Variants in ATP13A2 observed in about 807,000 individuals in gnomAD.
The protein encoded by ATP13A2 is ATPase cation transporting 13A2.
In ATP13A2, 83 loss-of-function variants were observed where a neutral mutation model predicts 138.3. The observed-to-expected ratio is 0.60, with a 90% CI of 0.50 to 0.72. ATP13A2 has a LOEUF of 0.72. Ranked by LOEUF, ATP13A2 falls within the 30% of genes least tolerant of loss-of-function variation. ATP13A2 has a pLI of 0.00. For missense variants in ATP13A2, 1,402 were observed against 1,606.4 expected (o/e 0.87, Z 2.17); for synonymous variants, 663 against 699.0 (o/e 0.95, Z 0.81).
At chr1:16,997,350 C>T (rs1008784954) in intron 11 of ATP13A2, among the ~76,000 whole-genome samples, 175 bp from the exon 12 acceptor site, 2 of 141,408 alleles carry the variant, frequency 1.4e-5, no homozygotes, top group Non-Finnish European at 3.0e-5. Flanking sequence ...TCAGAGAGGA[C>T]GGAGATATAA....
At chr1:17,008,627 C>A (rs754640673) in intron 1 of ATP13A2, among the ~76,000 whole-genome samples, 1 of 152,110 alleles carries the variant, frequency 6.6e-6, no homozygotes, top group Admixed American at 6.6e-5. Flanking sequence ...GCTCCCTAGG[C>A]CCATTCAACA....
intron 19 of ATP13A2, 51 bp downstream of exon 19, chr1:16,991,958 A>C (rs1474639397): frequency 8.1e-6 from 13 of 1,608,708 alleles, no homozygotes; most frequent in Non-Finnish European, 8.5e-6. Context: ...CCTGCGTGAG[A>C]GCCTCCCTCT....
chr1:16,997,846 A>T (rs537096468), intron 11 of ATP13A2, among the ~76,000 whole-genome samples: 1 of 64,250 alleles, frequency 1.6e-5, no homozygotes, highest in Non-Finnish European at 2.8e-5. Context: ...GTCTCAAAAG[A>T]GGAGGGGAGG....
At chr1:17,005,893 G>C (rs1309739461) in intron 1 of ATP13A2, 115 bp from the exon 2 acceptor site, 1 of 951,892 alleles carries the variant, frequency 1.1e-6, no homozygotes. Context: ...CCAGCACTTT[G>C]GGAGGCCGAG....
At chr1:16,996,839 T>C (rs1299769711) in intron 12 of ATP13A2, 181 bp downstream of exon 12, 1 of 821,556 alleles carries the variant, frequency 1.2e-6, no homozygotes, top group Admixed American at 2.2e-5. Flanking sequence ...CTGGCCCAAC[T>C]TCTGCTAAGA....
At chr1:17,008,114 C>A (rs1019279452) in intron 1 of ATP13A2, among the ~76,000 whole-genome samples, 1 of 152,306 alleles carries the variant, frequency 6.6e-6, no homozygotes, top group East Asian at 1.9e-4. Flanking sequence ...GGATTACAGG[C>A]GTGAGCCACC....
intron 15 of ATP13A2, among the ~76,000 whole-genome samples, 200 bp from the exon 16 acceptor site, chr1:16,994,035 GTCTC>G (rs1305832992): frequency 2.0e-5 from 3 of 151,968 alleles, no homozygotes; most frequent in African/African-American, 2.4e-5. Flanking sequence ...AGCCCCCACC[GTCTC>G]TCTGTCTAGC....
Position 17,004,894 on chromosome 1 carries a change from T to C in ATP13A2, c.348-73A>G, listed in dbSNP as rs960122686. 1.2e-6 allele frequency: 2 copies of C among 1,613,044 alleles called. No individual in the cohort carries two copies. The highest frequency in any genetic ancestry group is 8.5e-7 in the Non-Finnish European group (1 of 1,179,850). ...GCACCTCCCTGTGCTCACAGAGCCA[T>C]CTTCCCTCCCTAGGATGGGAGGCGC... On this transcript the variant is annotated intron_variant, in intron 4 of 28. Coordinates refer to ENST00000326735, the MANE Select transcript of ATP13A2 (RefSeq NM_022089.4). The surrounding 1 kb of genome is among the most constrained non-coding windows in gnomAD (Gnocchi z 4.1).
chr1:16,994,205 T>C lies in ATP13A2; in HGVS notation c.1543-370A>G, dbSNP rs1409584893. On this transcript the variant is annotated intron_variant, in intron 15 of 28. Coordinates refer to ENST00000326735, the MANE Select transcript of ATP13A2 (RefSeq NM_022089.4). ...GCTCGCTCTCTCTCTCTCATTTATT[T>C]ATTTATTTATTTATTTATTTTTATT... 8.3e-5 allele frequency among the ~76,000 whole-genome samples: 10 copies of C among 120,126 alleles called. 1 individual carries two copies. The highest frequency in any genetic ancestry group is 2.7e-4 in the South Asian group (1 of 3,694). 78.8% of individuals were successfully genotyped at this position (120,126 alleles called of 152,430 possible). A position where few individuals can be genotyped will look rare whatever the true frequency, so the allele number is the denominator to read the frequency against.
chr1:17,002,318 T>C lies in ATP13A2; in HGVS notation c.613A>G (p.Ser205Gly). 2 of 1,613,754 alleles carry C rather than the reference T, an allele frequency of 1.2e-6. No homozygotes were observed. Among genetic ancestry groups the C allele is most frequent in the Non-Finnish European group, 1.7e-6 (2 of 1,179,956 alleles). ...DDVHRSRHGLSLQDQMVRKAI... is the reference protein window; with the variant it reads ...DDVHRSRHGLGLQDQMVRKAI... Reference sequence around the variant, plus strand: ...GACCTCACCATTTGGTCCTGGAGGCTGAGGCCATGGCGGGAGCGGTGGACG... The same window carrying C: ...GACCTCACCATTTGGTCCTGGAGGCCGAGGCCATGGCGGGAGCGGTGGACG... The change falls in exon 7 of 29, where the codon AGC (serine) becomes GGC (glycine). Residue 205 changes from serine (S) to glycine (G), a missense_variant. By Grantham distance (56) the Ser-to-Gly change is moderately conservative (BLOSUM62 0). Coordinates refer to ENST00000326735, the MANE Select transcript of ATP13A2 (RefSeq NM_022089.4).
chr1:17,001,932 G>T (rs2077372524), intron 8 of ATP13A2, 102 bp downstream of exon 8: 2 of 1,211,236 alleles, frequency 1.7e-6, no homozygotes, highest in Admixed American at 4.9e-5. Context: ...GGGGACAGCT[G>T]GTCTGGTTGC....
At chr1:17,007,080 T>C (rs1193057379) in intron 1 of ATP13A2, among the ~76,000 whole-genome samples, 2 of 152,174 alleles carry the variant, frequency 1.3e-5, no homozygotes, top group African/African-American at 4.8e-5. Context: ...GGTTTCACCA[T>C]GCTGGTCAGG....
At position 16,994,197 on chromosome 1, in the gene ATP13A2, CA is replaced by C. The variant is rs1450664335; in HGVS notation, c.1543-363del. Among the ~76,000 whole-genome samples the C allele has an allele frequency of 1.5e-4, 22 of 147,414 alleles. 1 individual carries two copies. Among genetic ancestry groups the C allele is most frequent in the South Asian group, 6.5e-4 (3 of 4,600 alleles). On this transcript the variant is annotated intron_variant, in intron 15 of 28. Coordinates refer to ENST00000326735, the MANE Select transcript of ATP13A2 (RefSeq NM_022089.4). ...CACGGTTGGCTCGCTCTCTCTCTCT[CA>C]TTTATTTATTTATTTATTTATTTAT...
At chr1:17,006,755 T>C (rs905561183) in intron 1 of ATP13A2, among the ~76,000 whole-genome samples, 4 of 152,132 alleles carry the variant, frequency 2.6e-5, no homozygotes, top group Non-Finnish European at 4.4e-5. Flanking sequence ...CTTCATTCCA[T>C]GCCCGTGCCC....
chr1:16,993,760 CCAGGGGCAGGAATGCCTGCCCCTT>C lies in ATP13A2; in HGVS notation c.1594_1617del (p.Lys532_Leu539del). 1 of 1,590,732 alleles carries C rather than the reference CCAGGGGCAGGAATGCCTGCCCCTT, an allele frequency of 6.3e-7. No homozygotes were observed. The highest frequency in any genetic ancestry group is 8.6e-7 in the Non-Finnish European group (1 of 1,169,576). ...ACAGGCAGGCGGCGAGGCTCTGGGA[CCAGGGGCAGGAATGCCTGCCCCTT>C]CAGGGGCACCACCCCCATCACGTCT... On this transcript the variant is annotated inframe_deletion, in exon 16 of 29. Coordinates refer to ENST00000326735, the MANE Select transcript of ATP13A2 (RefSeq NM_022089.4).
At chr1:17,005,135 A>G in intron 3 of ATP13A2, 63 bp from the exon 4 acceptor site, 1 of 1,604,412 alleles carries the variant, frequency 6.2e-7, no homozygotes, top group African/African-American at 1.3e-5. Context: ...GCCCTGTCCT[A>G]CAGCCAGGCG....
At position 16,986,896 on chromosome 1, in the gene ATP13A2, G is replaced by A. The variant is rs56126202; in HGVS notation, c.3144C>T (p.Thr1048=). ...GGAAGCTGGACAGAGAGAAGACCAC[G>A]GTGTTCTCGTAGTTGGGCAGGTTGT... The part of the protein sequence containing the change: ...APDNLPNYEN[T]VVFSLSSFQY... The change falls in exon 27 of 29, where the codon ACC becomes ACT. Residue 1048 remains threonine (T), a synonymous_variant. Coordinates refer to ENST00000326735, the MANE Select transcript of ATP13A2 (RefSeq NM_022089.4). The surrounding 1 kb of genome is among the most constrained non-coding windows in gnomAD (Gnocchi z 6.9). 5.0e-6 allele frequency: 8 copies of A among 1,614,012 alleles called. No homozygotes were observed. Among genetic ancestry groups the A allele is most frequent in the Admixed American group, 1.7e-5 (1 of 60,018 alleles).
In ATP13A2 at chr1:16,986,151, G is replaced by A; in HGVS notation, c.*70C>T. Reference sequence around the variant, plus strand: ...TGTGGGAGGTGGTGGCGGTGGTGTTGCTGGAGAGGGGTCCAGTTGGTGGCT... The same window carrying A: ...TGTGGGAGGTGGTGGCGGTGGTGTTACTGGAGAGGGGTCCAGTTGGTGGCT... On this transcript the variant is annotated 3_prime_UTR_variant, in exon 29 of 29. Coordinates refer to ENST00000326735, the MANE Select transcript of ATP13A2 (RefSeq NM_022089.4). This position sits in a 1 kb window ranked among gnomAD's most constrained non-coding sequence, Gnocchi z 6.9. 6.2e-7 allele frequency: 1 copy of A among 1,606,498 alleles called. No homozygotes were observed. The highest frequency in any genetic ancestry group is 8.5e-7 in the Non-Finnish European group (1 of 1,177,232).
Position 16,995,857 on chromosome 1 carries a change from C to T in ATP13A2, c.1542+119G>A, listed in dbSNP as rs757477182. ...GGGTGGATCCTCTGGGGGTTTCCATCCCTAGACAGGACCTGGCATCCTGTG... is the reference window on the plus strand; with the variant it reads ...GGGTGGATCCTCTGGGGGTTTCCATTCCTAGACAGGACCTGGCATCCTGTG... On this transcript the variant is annotated intron_variant, in intron 15 of 28. Coordinates refer to ENST00000326735, the MANE Select transcript of ATP13A2 (RefSeq NM_022089.4). The surrounding 1 kb of genome is among the most constrained non-coding windows in gnomAD (Gnocchi z 4.1). 1.1e-5 allele frequency: 14 copies of T among 1,284,066 alleles called. No individual in the cohort carries two copies. Among genetic ancestry groups the T allele is most frequent in the Non-Finnish European group, 1.4e-5 (13 of 911,752 alleles). 79.5% of individuals were successfully genotyped at this position (1,284,066 alleles called of 1,614,324 possible). A position where few individuals can be genotyped will look rare whatever the true frequency, so the allele number is the denominator to read the frequency against.
Sources: gnomAD v4.1 joint callset for allele counts (sites outside exome capture counted in the v4.1 genomes callset) on GRCh38, gnomAD v4.1.1 for gene constraint, Gnocchi (gnomAD v3.1) non-coding constraint, MANE v1.5 for transcripts, NCBI Gene and HGNC (gene_info 2026-07-23, HGNC 2026-07-21) for gene names.